Variants in ELSPBP1 observed in about 807,000 individuals in gnomAD.
ELSPBP1 encodes epididymal sperm-binding protein 1.
In ELSPBP1, 38 loss-of-function variants were observed where a neutral mutation model predicts 33.3. That is an observed-to-expected ratio of 1.14 (90% confidence interval 0.88 to 1.50). The LOEUF (loss-of-function observed/expected upper bound fraction) is 1.50. Ranked by LOEUF, ELSPBP1 falls within the 40% of genes most tolerant of loss-of-function variation. ELSPBP1 has a pLI of 0.00. For synonymous variants in ELSPBP1, 85 were observed against 94.1 expected, an observed-to-expected ratio of 0.90 and a Z score of 0.56; for missense variants, 267 against 263.5, an observed-to-expected ratio of 1.01 and a Z score of -0.09.
At chr19:48,023,997 A>T (rs1486019266) in intron 6 of ELSPBP1, among the ~76,000 whole-genome samples, 2 of 150,860 alleles carry the variant, frequency 1.3e-5, no homozygotes, top group Non-Finnish European at 1.5e-5. Flanking sequence ...CAGCCTCCTG[A>T]GTAGCTGGGA....
chr19:48,019,711 C>T lies in ELSPBP1; in HGVS notation c.356-8C>T, dbSNP rs369572818. The T allele has an allele frequency of 6.2e-6, 10 of 1,612,356 alleles. No individual in the cohort carries two copies. The African/African-American group carries it at 6.7e-5, about 11-fold the overall frequency. On this transcript the variant is annotated splice_region_variant and splice_polypyrimidine_tract_variant and intron_variant, in intron 4 of 6. Transcript: ENST00000339841. Reference sequence around the variant, plus strand: ...CTTGACCCGTAACCTTTCCATAATCCTTTTCAGAGTATGGGGGAAATTCTC... The same window carrying T: ...CTTGACCCGTAACCTTTCCATAATCTTTTTCAGAGTATGGGGGAAATTCTC...
At chr19:48,023,068 G>A (rs1376826963) in intron 6 of ELSPBP1, among the ~76,000 whole-genome samples, 1 of 147,734 alleles carries the variant, frequency 6.8e-6, no homozygotes, top group East Asian at 2.0e-4. Flanking sequence ...AAAGATGGAC[G>A]AAAGGAAGGA....
chr19:48,002,841 G>T lies in ELSPBP1; in HGVS notation c.-17-5810G>T, dbSNP rs551459083. Among the ~76,000 whole-genome samples the T allele has an allele frequency of 5.3e-5, 8 of 152,236 alleles. 1 individual carries two copies. The highest frequency in any genetic ancestry group is 1.9e-4 in the African/African-American group (8 of 41,534). ...GTATGCTGTCTTCATAAATAGTAAT[G>T]AAAATATCTGGCTTGTATGCCCCCT... On this transcript the variant is annotated intron_variant, in intron 1 of 6. Transcript: ENST00000339841.
intron 1 of ELSPBP1, among the ~76,000 whole-genome samples, chr19:48,002,609 G>A (rs1386171512): frequency 1.3e-5 from 2 of 152,140 alleles, no homozygotes; most frequent in African/African-American, 2.4e-5. Flanking sequence ...TGGCCAACAC[G>A]GTGAAACCGT....
At chr19:47,998,577 G>C (rs540315311) in intron 1 of ELSPBP1, among the ~76,000 whole-genome samples, 1 of 152,074 alleles carries the variant, frequency 6.6e-6, no homozygotes, top group East Asian at 2.0e-4. Context: ...ACGAGGTCAG[G>C]AGATCGAGAC....
intron 3 of ELSPBP1, among the ~76,000 whole-genome samples, chr19:48,015,538 A>T (rs973569966): frequency 3.2e-4 from 48 of 152,030 alleles, no homozygotes; most frequent in African/African-American, 1.1e-3. Context: ...GGCATCTGTA[A>T]TCCCAGCTAC....
intron 5 of ELSPBP1, among the ~76,000 whole-genome samples, chr19:48,021,473 T>C (rs1289229150): frequency 6.6e-6 from 1 of 151,598 alleles, no homozygotes; most frequent in Non-Finnish European, 1.5e-5. Context: ...GGAATCTCAC[T>C]CTGTCGCCCA....
rs201226347 is a variant in ELSPBP1 at position 48,009,698 on chromosome 19, C to CA, written c.70+961_70+962insA. On this transcript the variant is annotated intron_variant, in intron 2 of 6. Coordinates refer to ENST00000339841, the MANE Select transcript of ELSPBP1 (RefSeq NM_022142.5). ...TAGAGTCCATGAAAACTGGAATTTA[C>CA]GTTTTAAAAAAAGTGTGTATTTATG... Among the ~76,000 whole-genome samples, 96 of 146,050 alleles carry CA rather than the reference C, an allele frequency of 6.6e-4. 1 individual carries two copies. The highest frequency in any genetic ancestry group is 1.2e-3 in the Admixed American group (17 of 14,538).
chr19:48,012,563 A>G (rs1967089981), intron 2 of ELSPBP1, among the ~76,000 whole-genome samples: 1 of 152,110 alleles, frequency 6.6e-6, no homozygotes, highest in Non-Finnish European at 1.5e-5. Context: ...CATTAAAGAA[A>G]CCTGTTTAAC....
intron 1 of ELSPBP1, among the ~76,000 whole-genome samples, chr19:47,996,392 G>C (rs1344032628): frequency 6.6e-6 from 1 of 151,634 alleles, no homozygotes; most frequent in Non-Finnish European, 1.5e-5. Context: ...TTGATGGATG[G>C]ATGATAAGAG....
At chr19:48,024,752 T>C (rs946500761) in intron 6 of ELSPBP1, among the ~76,000 whole-genome samples, 200 bp from the exon 7 acceptor site, 6 of 152,160 alleles carry the variant, frequency 3.9e-5, no homozygotes, top group African/African-American at 1.4e-4. Context: ...AGAGGTGAGA[T>C]TGAGGAGCTC....
At chr19:48,007,595 T>C (rs1568404682) in intron 1 of ELSPBP1, among the ~76,000 whole-genome samples, 1 of 152,174 alleles carries the variant, frequency 6.6e-6, no homozygotes, top group Non-Finnish European at 1.5e-5. Flanking sequence ...TCATCTGTCA[T>C]CAAGGAAACG....
intron 1 of ELSPBP1, among the ~76,000 whole-genome samples, chr19:48,002,131 A>G (rs1483934596): frequency 6.6e-6 from 1 of 152,160 alleles, no homozygotes; most frequent in East Asian, 1.9e-4. Flanking sequence ...TGTAGCAGCA[A>G]CAGTGATCAC....
At chr19:48,010,488 C>T (rs1408881007) in intron 2 of ELSPBP1, among the ~76,000 whole-genome samples, 2 of 152,124 alleles carry the variant, frequency 1.3e-5, no homozygotes, top group African/African-American at 4.8e-5. Context: ...AACCTAAACC[C>T]TCCACTCAGA....
rs1412586686 is a variant in ELSPBP1 at position 48,015,098 on chromosome 19, G to A, written c.208+790G>A. Reference sequence around the variant, plus strand: ...TTAACACATATGTTTTATGTCTTATGTATTATATACCGTATCTCATAATAA... The same window carrying A: ...TTAACACATATGTTTTATGTCTTATATATTATATACCGTATCTCATAATAA... On this transcript the variant is annotated intron_variant, in intron 3 of 6. Transcript: ENST00000339841. 3.3e-5 allele frequency among the ~76,000 whole-genome samples: 5 copies of A among 152,130 alleles called. No individual in the cohort carries two copies. The East Asian group carries it at 7.7e-4, about 23-fold the overall frequency.
intron 1 of ELSPBP1, among the ~76,000 whole-genome samples, chr19:48,006,621 C>CAAAAAAAAAAAA (rs1190341508): frequency 1.9e-4 from 4 of 20,858 alleles, no homozygotes; most frequent in African/African-American, 3.3e-4. Flanking sequence ...GACCCTGTCT[C>CAAAAAAAAAAAA]AAAAAAAAAA....
At chr19:48,009,136 C>CAA (rs59636614) in intron 2 of ELSPBP1, among the ~76,000 whole-genome samples, 4,881 of 136,280 alleles carry the variant, frequency 0.036, 262 homozygotes, top group African/African-American at 0.12. Flanking sequence ...AACTCCCTCT[C>CAA]AAAAAAAAAA....
chr19:48,016,519 T>C (rs187972885), intron 4 of ELSPBP1, among the ~76,000 whole-genome samples: 762 of 62,046 alleles, frequency 0.012, 8 homozygotes, highest in African/African-American at 0.04. Context: ...TTTCTTTCTT[T>C]CTTTCTTTCT....
intron 1 of ELSPBP1, among the ~76,000 whole-genome samples, chr19:47,995,589 T>C (rs1055702091): frequency 1.3e-5 from 2 of 152,192 alleles, no homozygotes; most frequent in East Asian, 3.8e-4. Flanking sequence ...GGTGTGTGTG[T>C]GCGCCTAGAG....
Sources: allele counts gnomAD v4.1 joint callset (sites outside exome capture counted in the v4.1 genomes callset), GRCh38; gene constraint gnomAD v4.1.1; transcripts MANE v1.5; gene names NCBI Gene and HGNC (gene_info 2026-07-23, HGNC 2026-07-21).